The following ZC3H12B variants were observed in gnomAD, a reference collection of about 807,000 sequenced individuals.
ZC3H12B encodes the protein zinc finger CCCH-type containing 12B.
ZC3H12B carries 7 observed loss-of-function variants against 43.9 expected under a neutral mutation model. The ratio of observed to expected loss-of-function variants is 0.16; its 90% CI spans 0.09 to 0.30. ZC3H12B has a LOEUF of 0.30. ZC3H12B is among the 10% of genes least tolerant of loss of function. The pLI is 1.00. For missense variants in ZC3H12B, 475 were observed against 670.2 expected (o/e 0.71, Z 3.22); for synonymous variants, 222 against 241.7 (o/e 0.92, Z 0.76).
At position 65,406,565 on chromosome X, in the gene ZC3H12B, A is replaced by AGCGGGGCTGG. The variant is rs1569396749; in HGVS notation, n.407+7861_407+7862insGCGGGGCTGG. 9.9e-3 allele frequency among the ~76,000 whole-genome samples: 483 copies of AGCGGGGCTGG among 48,605 alleles called. 22 individuals are homozygous for AGCGGGGCTGG. Among genetic ancestry groups the AGCGGGGCTGG allele is most frequent in the East Asian group, 0.061 (97 of 1,579 alleles). 42.2% of individuals were successfully genotyped at this position (48,605 alleles called of 115,157 possible). A position where few individuals can be genotyped will look rare whatever the true frequency, so the allele number is the denominator to read the frequency against. ...AGCGTCCCCCGCCCGATCGGGGCTG[A>AGCGGGGCTGG]ACGGGGCTGGGCGGGGCTGGGCGGG... On this transcript the variant is annotated intron_variant and non_coding_transcript_variant, in intron 3 of 5. Coordinates refer to the ZC3H12B transcript ENST00000617377.
chrX:65,383,604 G>A (rs2066476331), intron 2 of ZC3H12B, among the ~76,000 whole-genome samples: 1 of 110,998 alleles, frequency 9.0e-6, no homozygotes, highest in Admixed American at 9.6e-5. Flanking sequence ...TTGACAAATG[G>A]GATCTAATTA....
the ZC3H12B span, among the ~76,000 whole-genome samples, chrX:65,194,848 C>T: frequency 3.2e-3 from 358 of 111,930 alleles, 1 homozygote; most frequent in African/African-American, 0.011. Flanking sequence ...CTGGGTACTC[C>T]AGTGTTGGAT....
the ZC3H12B span, among the ~76,000 whole-genome samples, chrX:65,281,477 C>T: frequency 9.0e-6 from 1 of 111,364 alleles, no homozygotes; most frequent in African/African-American, 3.3e-5. Context: ...CCACCTGCCT[C>T]GGCTTCCCAA....
At chrX:65,223,164 G>A in the ZC3H12B span, among the ~76,000 whole-genome samples, 1 of 111,733 alleles carries the variant, frequency 8.9e-6, no homozygotes, top group Non-Finnish European at 1.9e-5. Flanking sequence ...AAATGGTATT[G>A]GGTAATTGGC....
chrX:65,339,050 A>G, the ZC3H12B span, among the ~76,000 whole-genome samples: 1 of 112,158 alleles, frequency 8.9e-6, no homozygotes, highest in Non-Finnish European at 1.9e-5. Flanking sequence ...TCCAAATAGT[A>G]AAAGAAGTCA....
the ZC3H12B span, among the ~76,000 whole-genome samples, chrX:65,124,442 T>C: frequency 9.0e-6 from 1 of 110,836 alleles, no homozygotes; most frequent in South Asian, 3.8e-4. Flanking sequence ...TATTGGTCTG[T>C]AGTTTTCTTT....
chrX:65,498,233 A>T (rs1345744836), intron 2 of ZC3H12B, among the ~76,000 whole-genome samples: 1 of 111,752 alleles, frequency 8.9e-6, no homozygotes, highest in Non-Finnish European at 1.9e-5. Flanking sequence ...TGGAGGAAGG[A>T]GCCTAGGAAA....
At chrX:65,091,058 A>T in the ZC3H12B span, among the ~76,000 whole-genome samples, 1 of 111,196 alleles carries the variant, frequency 9.0e-6, no homozygotes, top group African/African-American at 3.3e-5. Context: ...AACCTGCACA[A>T]CTGTGAGCCG....
the ZC3H12B span, among the ~76,000 whole-genome samples, chrX:65,286,463 T>A: frequency 2.7e-5 from 3 of 111,225 alleles, no homozygotes. Context: ...GTACTATGCC[T>A]ACTACCTGGG....
intron 1 of ZC3H12B, among the ~76,000 whole-genome samples, chrX:65,491,525 G>A (rs1452938692): frequency 9.1e-6 from 1 of 109,555 alleles, no homozygotes; most frequent in Non-Finnish European, 1.9e-5. Flanking sequence ...TGGGCAACAT[G>A]GCAAAACCCT....
At chrX:65,162,041 G>GA in the ZC3H12B span, among the ~76,000 whole-genome samples, 1 of 111,252 alleles carries the variant, frequency 9.0e-6, no homozygotes, top group African/African-American at 3.3e-5. Context: ...AGTTTGGCTG[G>GA]ATATGAAATT....
chrX:65,455,638 T>C (rs1411078584), intron 3 of ZC3H12B, among the ~76,000 whole-genome samples: 2 of 111,317 alleles, frequency 1.8e-5, no homozygotes, highest in African/African-American at 6.5e-5. Context: ...GCCACAAAGA[T>C]ACTCCTTGAG....
At chrX:65,262,454 A>C in the ZC3H12B span, among the ~76,000 whole-genome samples, 1 of 111,193 alleles carries the variant, frequency 9.0e-6, no homozygotes, top group Non-Finnish European at 1.9e-5. Context: ...CTGAGCCTGC[A>C]ATGTTTGAAA....
the ZC3H12B span, among the ~76,000 whole-genome samples, chrX:65,176,104 C>T: frequency 8.9e-6 from 1 of 112,051 alleles, no homozygotes; most frequent in Non-Finnish European, 1.9e-5. Flanking sequence ...CAGCAGATCC[C>T]ACACCCACGG....
chrX:65,272,682 T>C, the ZC3H12B span: 94 of 111,885 alleles, frequency 8.4e-4, no homozygotes, highest in African/African-American at 2.9e-3. Flanking sequence ...TTATAAGATA[T>C]GGTGCTCCAG....
the ZC3H12B span, among the ~76,000 whole-genome samples, chrX:65,193,442 C>T: frequency 1.8e-5 from 2 of 111,362 alleles, no homozygotes; most frequent in Non-Finnish European, 3.8e-5. Context: ...CTCATTGTAG[C>T]CTCTAATAAT....
chrX:65,284,588 C>A, the ZC3H12B span, among the ~76,000 whole-genome samples: 1 of 110,660 alleles, frequency 9.0e-6, no homozygotes, highest in South Asian at 3.8e-4. Flanking sequence ...ATGGTGAAAC[C>A]CTGTCTCTAC....
At chrX:65,216,746 A>G in the ZC3H12B span, among the ~76,000 whole-genome samples, 67 of 111,888 alleles carry the variant, frequency 6.0e-4, 2 homozygotes, top group African/African-American at 2.1e-3. Context: ...CTTTTTTCTT[A>G]CAACATGAGT....
At chrX:65,050,953 G>A in the ZC3H12B span, among the ~76,000 whole-genome samples, 2 of 111,425 alleles carry the variant, frequency 1.8e-5, no homozygotes, top group Admixed American at 1.9e-4. Context: ...GAGTTTAGAA[G>A]TATGCCTTCC....
Sources: allele counts gnomAD v4.1 joint callset (sites outside exome capture counted in the v4.1 genomes callset), GRCh38; gene constraint gnomAD v4.1.1; transcripts MANE v1.5; gene names NCBI Gene and HGNC (gene_info 2026-07-23, HGNC 2026-07-21).